The following LGALS9 variants were observed in gnomAD, a reference collection of about 807,000 sequenced individuals.
LGALS9 encodes the protein galectin-9.
In LGALS9, 26 loss-of-function variants were observed where a neutral mutation model predicts 35.9. That is an observed-to-expected ratio of 0.72 (90% confidence interval 0.53 to 1.01). The LOEUF is 1.01. Ranked by LOEUF, LGALS9 falls within the 50% of genes least tolerant of loss-of-function variation. The pLI is 0.00. For missense variants in LGALS9, 347 were observed against 445.8 expected, an observed-to-expected ratio of 0.78 and a Z score of 1.99; for synonymous variants, 149 against 172.2, an observed-to-expected ratio of 0.87 and a Z score of 1.06.
chr17:27,646,670 T>G, intron 8 of LGALS9, 82 bp downstream of exon 8: 3 of 1,598,422 alleles, frequency 1.9e-6, no homozygotes. Context: ...GGGGATCCAC[T>G]GGCCTTGAAA....
intron 10 of LGALS9, 141 bp downstream of exon 10, chr17:27,647,573 A>AG: frequency 6.7e-6 from 8 of 1,186,862 alleles, no homozygotes; most frequent in Non-Finnish European, 9.2e-6. Flanking sequence ...GGTGGCCAAC[A>AG]AATTATTATT....
chr17:27,647,514 A>G, intron 10 of LGALS9, 82 bp downstream of exon 10: 1 of 1,571,268 alleles, frequency 6.4e-7, no homozygotes, highest in Admixed American at 1.8e-5. Context: ...AGGTACCTTG[A>G]ACAGTATGGG....
At chr17:27,640,921 C>T in intron 3 of LGALS9, 148 bp downstream of exon 3, 1 of 1,258,134 alleles carries the variant, frequency 7.9e-7, no homozygotes, top group Non-Finnish European at 1.1e-6. Flanking sequence ...AGGTGTTACC[C>T]ATGGCTGCCT....
intron 8 of LGALS9, among the ~76,000 whole-genome samples, chr17:27,646,825 G>A (rs1904986013): frequency 6.6e-6 from 1 of 152,186 alleles, no homozygotes; most frequent in African/African-American, 2.4e-5. Flanking sequence ...CACGAAACGA[G>A]TCTTTTTGTG....
At chr17:27,640,391 A>C in intron 2 of LGALS9, 181 bp from the exon 3 acceptor site, 2 of 936,614 alleles carry the variant, frequency 2.1e-6, no homozygotes, top group Non-Finnish European at 3.2e-6. Context: ...TCCAATAATT[A>C]AAACAAAAAC....
At chr17:27,642,400 C>T (rs1376239888) in intron 4 of LGALS9, 52 bp downstream of exon 4, 17 of 1,610,582 alleles carry the variant, frequency 1.1e-5, no homozygotes, top group South Asian at 6.6e-5. Context: ...CAGGGCCCAG[C>T]GTAGCTGTGT....
In LGALS9 at chr17:27,631,210, C is replaced by A; in HGVS notation, c.-56C>A. 1 of 1,612,960 alleles carries A rather than the reference C, an allele frequency of 6.2e-7. No homozygotes were observed. The highest frequency in any genetic ancestry group is 1.7e-5 in the Admixed American group (1 of 59,904). ...TTTCTTTGTTAAGTCGTTCCCTCTA[C>A]AAAGGACTTCCTAGTGGGTGTGAAA... is the stretch of plus-strand genomic sequence containing the variant. On this transcript the variant is annotated 5_prime_UTR_variant, in exon 1 of 11. Transcript: ENST00000395473.
chr17:27,645,635 G>A, intron 6 of LGALS9: 1 of 599,908 alleles, frequency 1.7e-6, no homozygotes, highest in South Asian at 2.1e-5. Flanking sequence ...GAGGAAAGAT[G>A]GGCCAGAGCC....
At chr17:27,642,439 A>G (rs1904590252) in intron 4 of LGALS9, 91 bp downstream of exon 4, 2 of 1,577,106 alleles carry the variant, frequency 1.3e-6, no homozygotes, top group African/African-American at 2.7e-5. Flanking sequence ...GCCCAAGCCA[A>G]TCTCCTACCC....
In LGALS9 at chr17:27,645,319, C is replaced by A; in HGVS notation, c.546C>A (p.Pro182=). 1 of 1,613,832 alleles carries A rather than the reference C, an allele frequency of 6.2e-7. No individual in the cohort carries two copies. Among genetic ancestry groups the A allele is most frequent in the Non-Finnish European group, 8.5e-7 (1 of 1,179,830 alleles). Residue 182 remains proline, a synonymous_variant, in exon 6 of 11, where the codon CCC becomes CCA. Transcript: ENST00000395473. ...GACTCTCCTCACCCCTCCAGCCTCC[C>A]GGCGTGTGGCCTGCCAACCCGGCTC... The part of the protein sequence containing the change: ...PRPRGRRQKP[P]GVWPANPAPI...
chr17:27,647,165 G>A (rs751494551), intron 9 of LGALS9, 47 bp downstream of exon 9: 1 of 1,614,084 alleles, frequency 6.2e-7, no homozygotes, highest in Non-Finnish European at 8.5e-7. Context: ...AGCCCTTCAA[G>A]GTCAGTCCAG....
At chr17:27,646,409 G>T in intron 7 of LGALS9, 138 bp from the exon 8 acceptor site, 13 of 1,335,732 alleles carry the variant, frequency 9.7e-6, no homozygotes, top group Non-Finnish European at 1.3e-5. Flanking sequence ...AAGGGAGGTA[G>T]ACGGGCGAGT....
intron 2 of LGALS9, chr17:27,638,624 T>G: frequency 2.6e-6 from 1 of 387,114 alleles, no homozygotes; most frequent in Non-Finnish European, 4.9e-6. Flanking sequence ...AGTTGGATGA[T>G]TATGTTCTGG....
intron 2 of LGALS9, 140 bp from the exon 3 acceptor site, chr17:27,640,432 G>A: frequency 1.6e-6 from 2 of 1,261,026 alleles, no homozygotes; most frequent in East Asian, 2.4e-5. Context: ...AAACAAAAAC[G>A]ATGCCAACAA....
chr17:27,646,375 A>G (rs1485867958), intron 7 of LGALS9, among the ~76,000 whole-genome samples, 172 bp from the exon 8 acceptor site: 3 of 152,146 alleles, frequency 2.0e-5, no homozygotes, highest in African/African-American at 7.2e-5. Context: ...ACACGGCAGG[A>G]AGTTCCAGGA....
At chr17:27,631,431 G>A in intron 1 of LGALS9, 127 bp downstream of exon 1, 2 of 1,286,042 alleles carry the variant, frequency 1.6e-6, no homozygotes, top group Admixed American at 2.0e-5. Flanking sequence ...CACAAGCAGG[G>A]CAGAAATATC....
At chr17:27,632,687 T>C (rs2074404761) in intron 1 of LGALS9, among the ~76,000 whole-genome samples, 1 of 152,240 alleles carries the variant, frequency 6.6e-6, no homozygotes, top group Admixed American at 6.5e-5. Context: ...TGACTGGTTT[T>C]TACTTTCTAA....
Position 27,649,030 on chromosome 17 carries a change from G to A in LGALS9, c.*48G>A, listed in dbSNP as rs773388244. Reference sequence around the variant, plus strand: ...GGGGGCTGGGGTGTGGGGCAGTCTGGGTCCTCTCATCATCCCCACTTCCCA... The same window carrying A: ...GGGGGCTGGGGTGTGGGGCAGTCTGAGTCCTCTCATCATCCCCACTTCCCA... On this transcript the variant is annotated 3_prime_UTR_variant, in exon 11 of 11. Coordinates refer to ENST00000395473, the MANE Select transcript of LGALS9 (RefSeq NM_009587.3). 1 of 1,612,178 alleles carries A rather than the reference G, an allele frequency of 6.2e-7. No individual in the cohort carries two copies. Among genetic ancestry groups the A allele is most frequent in the South Asian group, 1.1e-5 (1 of 90,968 alleles).
At chr17:27,633,669 C>A (rs1256739965) in intron 1 of LGALS9, among the ~76,000 whole-genome samples, 1 of 152,240 alleles carries the variant, frequency 6.6e-6, no homozygotes, top group East Asian at 1.9e-4. Context: ...GAACAGAGAG[C>A]AAGTCATGAC....
Sources: allele counts gnomAD v4.1 joint callset (sites outside exome capture counted in the v4.1 genomes callset), GRCh38; gene constraint gnomAD v4.1.1; transcripts MANE v1.5; gene names NCBI Gene and HGNC (gene_info 2026-07-23, HGNC 2026-07-21).